The following MACC1 variants were observed in gnomAD, a reference collection of about 807,000 sequenced individuals.
MACC1 encodes the protein MET transcriptional regulator MACC1.
Under a neutral mutation model 70.7 loss-of-function variants are expected in MACC1, and 79 were observed. The observed-to-expected ratio is 1.12, with a 90% confidence interval of 0.93 to 1.35. The LOEUF is 1.35. Ranked by LOEUF, MACC1 falls within the 40% of genes most tolerant of loss-of-function variation. The pLI, the probability that MACC1 is intolerant of heterozygous loss-of-function variation, is 0.00. For missense variants in MACC1, 1,106 were observed against 978.1 expected (o/e 1.13, Z -1.74); for synonymous variants, 361 against 347.2 (o/e 1.04, Z -0.44).
intron 1 of MACC1, among the ~76,000 whole-genome samples, chr7:20,181,418 G>C (rs10269908): frequency 0.11 from 17,284 of 151,944 alleles, 1,178 homozygotes; most frequent in Non-Finnish European, 0.15. Context: ...AAACTTATAA[G>C]TGTATTACAT....
chr7:20,142,399 T>A (rs1781819177), intron 6 of MACC1, among the ~76,000 whole-genome samples: 1 of 152,118 alleles, frequency 6.6e-6, no homozygotes, highest in African/African-American at 2.4e-5. Flanking sequence ...TTTCCTCATC[T>A]CTCTCGACAA....
chr7:20,152,269 T>A (rs17454555), intron 6 of MACC1, among the ~76,000 whole-genome samples: 1 of 151,820 alleles, frequency 6.6e-6, no homozygotes, highest in Non-Finnish European at 1.5e-5. Context: ...GCCCAGCAAC[T>A]GCTAGACCTA....
chr7:20,202,569 T>G (rs914782639), intron 1 of MACC1, among the ~76,000 whole-genome samples: 7 of 152,216 alleles, frequency 4.6e-5, no homozygotes, highest in Non-Finnish European at 1.0e-4. Context: ...ATAATAATTG[T>G]TATTCCCTTT....
At chr7:20,187,674 C>A (rs923546223) in intron 1 of MACC1, among the ~76,000 whole-genome samples, 6 of 152,212 alleles carry the variant, frequency 3.9e-5, no homozygotes, top group African/African-American at 1.4e-4. Flanking sequence ...AAGGAAAGCA[C>A]ACAATCCTAC....
intron 5 of MACC1, among the ~76,000 whole-genome samples, chr7:20,157,493 A>T (rs1782071287): frequency 6.6e-6 from 1 of 152,006 alleles, no homozygotes; most frequent in Non-Finnish European, 1.5e-5. Flanking sequence ...TACATTAAAA[A>T]AAAGAAACAG....
chr7:20,211,909 A>C (rs1783002347), intron 1 of MACC1, among the ~76,000 whole-genome samples: 1 of 152,246 alleles, frequency 6.6e-6, no homozygotes, highest in African/African-American at 2.4e-5. Context: ...TTAAAAGTAT[A>C]ATGTAGAGAG....
At chr7:20,154,597 T>C (rs1782028942) in intron 5 of MACC1, among the ~76,000 whole-genome samples, 2 of 152,202 alleles carry the variant, frequency 1.3e-5, no homozygotes, top group Admixed American at 1.3e-4. Flanking sequence ...AGGGGAGATT[T>C]AGAACTAATT....
Position 20,159,841 on chromosome 7 carries a change from C to A in MACC1, c.520G>T (p.Asp174Tyr). ...LLHDLEWLKN[D>Y]REAYKMAWLS... Reference sequence around the variant, plus strand: ...CAAGCCATTTTATAAGCCTCCCGATCATTTTTAAGCCACTCTAAGTCGTGT... The same window carrying A: ...CAAGCCATTTTATAAGCCTCCCGATAATTTTTAAGCCACTCTAAGTCGTGT... The change falls in exon 5 of 7, where the codon GAT becomes TAT. Residue 174 changes from aspartate (D) to tyrosine (Y), a missense_variant. Asp to Tyr is a radical substitution (Grantham distance 160, BLOSUM62 -3). Transcript: ENST00000400331. 6.2e-7 allele frequency: 1 copy of A among 1,614,148 alleles called. No individual in the cohort carries two copies. The highest frequency in any genetic ancestry group is 2.2e-5 in the East Asian group (1 of 44,870).
intron 1 of MACC1, among the ~76,000 whole-genome samples, chr7:20,195,601 A>G (rs1405207555): frequency 6.6e-6 from 1 of 152,236 alleles, no homozygotes; most frequent in African/African-American, 2.4e-5. Flanking sequence ...TAGGCCCTAT[A>G]CATCAAAAGG....
chr7:20,211,203 C>G (rs970737909), intron 1 of MACC1, among the ~76,000 whole-genome samples: 2 of 152,016 alleles, frequency 1.3e-5, no homozygotes, highest in African/African-American at 4.8e-5. Context: ...CATAAGGATT[C>G]CTGGGAATCA....
chr7:20,203,351 C>T (rs146446300), intron 1 of MACC1, among the ~76,000 whole-genome samples: 95 of 152,266 alleles, frequency 6.2e-4, no homozygotes, highest in African/African-American at 2.2e-3. Flanking sequence ...CTGAGGGCTC[C>T]GAAGTTGGAA....
At chr7:20,176,404 C>A (rs3114443) in intron 1 of MACC1, among the ~76,000 whole-genome samples, 1 of 151,802 alleles carries the variant, frequency 6.6e-6, no homozygotes, top group Non-Finnish European at 1.5e-5. Flanking sequence ...AGATTCAACC[C>A]GTATTGAATT....
chr7:20,164,031 G>T (rs1220851988), intron 3 of MACC1, among the ~76,000 whole-genome samples: 1 of 152,172 alleles, frequency 6.6e-6, no homozygotes, highest in Non-Finnish European at 1.5e-5. Context: ...CTACTTCCTA[G>T]GTTCAAGTGA....
At chr7:20,147,968 C>T (rs1781918817) in intron 6 of MACC1, among the ~76,000 whole-genome samples, 1 of 152,142 alleles carries the variant, frequency 6.6e-6, no homozygotes. Context: ...AGACAACTGA[C>T]ACCAATGTTT....
At chr7:20,180,789 G>A (rs1782492035) in intron 1 of MACC1, among the ~76,000 whole-genome samples, 1 of 152,172 alleles carries the variant, frequency 6.6e-6, no homozygotes, top group Non-Finnish European at 1.5e-5. Context: ...AGAGGTTTCA[G>A]TGAGGTGAGA....
intron 1 of MACC1, among the ~76,000 whole-genome samples, chr7:20,196,616 T>C (rs1021616263): frequency 6.6e-6 from 1 of 151,984 alleles, no homozygotes; most frequent in South Asian, 2.1e-4. Flanking sequence ...ACAATGTATA[T>C]ATCTGTATGC....
chr7:20,157,253 T>A (rs550140211), intron 5 of MACC1, among the ~76,000 whole-genome samples: 21 of 152,288 alleles, frequency 1.4e-4, no homozygotes, highest in African/African-American at 5.1e-4. Context: ...TTTAGAAATA[T>A]GATCTTGATT....
At chr7:20,182,590 T>A (rs1782526918) in intron 1 of MACC1, among the ~76,000 whole-genome samples, 1 of 152,334 alleles carries the variant, frequency 6.6e-6, no homozygotes, top group East Asian at 1.9e-4. Flanking sequence ...CTGGACCATA[T>A]ATACCCTTTC....
In MACC1 at chr7:20,159,219, T is replaced by C; in HGVS notation, c.1142A>G (p.His381Arg). 1 of 1,613,898 alleles carries C rather than the reference T, an allele frequency of 6.2e-7. No individual in the cohort carries two copies. Among genetic ancestry groups the C allele is most frequent in the Non-Finnish European group, 8.5e-7 (1 of 1,179,946 alleles). Residue 381 changes from histidine to arginine, a missense_variant, in exon 5 of 7, where the codon CAT becomes CGT. His to Arg is a conservative substitution (Grantham distance 29). Transcript: ENST00000400331. ...TGTTAAAACAACAGTAAAACTGGGA[T>C]GGATATATTTGGGTCCATAAATTCC... ...SIGIYGPKYI[H>R]PSFTVVLTVC...
Sources: allele counts gnomAD v4.1 joint callset (sites outside exome capture counted in the v4.1 genomes callset), GRCh38; gene constraint gnomAD v4.1.1; transcripts MANE v1.5; gene names NCBI Gene and HGNC (gene_info 2026-07-23, HGNC 2026-07-21).